FANCC: variants seen among roughly 807,000 people sequenced by gnomAD.
FANCC encodes the protein FA complementation group C, also known as Fanconi anemia group C protein.
A neutral mutation model predicts 71.3 loss-of-function variants in FANCC; 55 were observed. That is an observed-to-expected ratio of 0.77 (90% CI 0.62 to 0.97). FANCC has a LOEUF of 0.97. Among genes scored for constraint, FANCC ranks in the 50% least tolerant of loss-of-function variants. The probability of loss-of-function intolerance (pLI) is 0.00; values close to 1 mark genes in which losing one functional copy is unlikely to be tolerated. For synonymous variants in FANCC, 275 were observed against 244.9 expected (o/e 1.12, Z -1.15); for missense variants, 678 against 670.9 (o/e 1.01, Z -0.12).
intron 1 of FANCC, among the ~76,000 whole-genome samples, chr9:95,303,419 C>T (rs1834874182): frequency 6.6e-6 from 1 of 152,210 alleles, no homozygotes. Context: ...TCTTGCAACG[C>T]ATGCAGTTCA....
chr9:95,167,965 A>G (rs888619997), intron 6 of FANCC, among the ~76,000 whole-genome samples: 1 of 152,226 alleles, frequency 6.6e-6, no homozygotes, highest in Non-Finnish European at 1.5e-5. Context: ...CATGGTACAA[A>G]GGAAGGCTTT....
At chr9:95,158,442 G>C (rs907985151) in intron 6 of FANCC, among the ~76,000 whole-genome samples, 1 of 151,926 alleles carries the variant, frequency 6.6e-6, no homozygotes, top group Non-Finnish European at 1.5e-5. Flanking sequence ...GTAGAGAACA[G>C]GAAGAACAAT....
chr9:95,165,895 T>C (rs1428044895), intron 6 of FANCC, among the ~76,000 whole-genome samples: 2 of 152,100 alleles, frequency 1.3e-5, no homozygotes, highest in Non-Finnish European at 2.9e-5. Context: ...ATTATTATTG[T>C]GTTACTGTCT....
intron 1 of FANCC, among the ~76,000 whole-genome samples, chr9:95,289,904 C>T (rs190392891): frequency 6.6e-6 from 1 of 152,298 alleles, no homozygotes; most frequent in African/African-American, 2.4e-5. Flanking sequence ...AGTGATCCTC[C>T]TGCCTCAGCC....
At chr9:95,138,848 A>C (rs1828135583) in intron 7 of FANCC, among the ~76,000 whole-genome samples, 3 of 152,176 alleles carry the variant, frequency 2.0e-5, no homozygotes, top group Admixed American at 6.6e-5. Context: ...CCAGTCAGTA[A>C]AGTGCGTGAT....
At chr9:95,206,309 C>G (rs1294258153) in intron 4 of FANCC, among the ~76,000 whole-genome samples, 1 of 152,092 alleles carries the variant, frequency 6.6e-6, no homozygotes, top group Non-Finnish European at 1.5e-5. Flanking sequence ...GAAATGTCTG[C>G]GGACCATGAC....
At chr9:95,247,543 A>G (rs2136091704) in intron 2 of FANCC, 27 bp from the exon 3 acceptor site, 1 of 1,501,436 alleles carries the variant, frequency 6.7e-7, no homozygotes, top group Non-Finnish European at 9.3e-7. Flanking sequence ...AATTTTGGTC[A>G]GTAAAGGCAT....
chr9:95,292,471 G>A (rs1301031487), intron 1 of FANCC: 1 of 1,318,810 alleles, frequency 7.6e-7, no homozygotes, highest in African/African-American at 1.6e-5. Flanking sequence ...CCCCGACTGA[G>A]GGGCAGCCGG....
At chr9:95,112,731 G>A (rs2072049572) in intron 12 of FANCC, among the ~76,000 whole-genome samples, 1 of 152,200 alleles carries the variant, frequency 6.6e-6, no homozygotes, top group Admixed American at 6.5e-5. Context: ...TCAGAGACCG[G>A]TCTGGTCCTT....
intron 4 of FANCC, among the ~76,000 whole-genome samples, chr9:95,213,293 A>C (rs1828623127): frequency 2.0e-5 from 3 of 152,170 alleles, no homozygotes; most frequent in Admixed American, 2.0e-4. Flanking sequence ...ATAAGCAAAA[A>C]GTAGAGATGA....
chr9:95,302,538 C>G (rs1243444412), intron 1 of FANCC, among the ~76,000 whole-genome samples: 6 of 152,222 alleles, frequency 3.9e-5, no homozygotes, highest in Non-Finnish European at 7.3e-5. Context: ...TTTTTGTCAT[C>G]TCAGGAAATA....
intron 1 of FANCC, among the ~76,000 whole-genome samples, chr9:95,316,543 C>T (rs1835750231): frequency 6.6e-6 from 1 of 152,180 alleles, no homozygotes; most frequent in African/African-American, 2.4e-5. Context: ...AATGCTAAGT[C>T]AAATCACATC....
At chr9:95,258,112 C>T (rs1021954250) in intron 1 of FANCC, among the ~76,000 whole-genome samples, 1 of 152,154 alleles carries the variant, frequency 6.6e-6, no homozygotes, top group Non-Finnish European at 1.5e-5. Flanking sequence ...ACCAGAGGTA[C>T]AAAGAGAAGC....
chr9:95,178,366 G>A (rs1395928997), intron 4 of FANCC, among the ~76,000 whole-genome samples: 1 of 152,250 alleles, frequency 6.6e-6, no homozygotes, highest in African/African-American at 2.4e-5. Context: ...GATGGGACAA[G>A]GGGTGGTGGA....
At chr9:95,121,492 T>C (rs1470542914) in intron 10 of FANCC, among the ~76,000 whole-genome samples, 1 of 152,204 alleles carries the variant, frequency 6.6e-6, no homozygotes, top group South Asian at 2.1e-4. Flanking sequence ...AGTTGAACTT[T>C]TGTATTCCAA....
At position 95,232,130 on chromosome 9, in the gene FANCC, A is replaced by G. The variant is rs4647449; in HGVS notation, c.345+8519T>C. On this transcript the variant is annotated intron_variant, in intron 4 of 14. Coordinates refer to ENST00000289081, the MANE Select transcript of FANCC (RefSeq NM_000136.3). ...AAGGTGAAGGGGGAGCAGGCATGTC[A>G]CGCAGCCAGAGCAGCAGCAAGAGAA... 3.3e-3 allele frequency among the ~76,000 whole-genome samples: 507 copies of G among 152,312 alleles called. 9 individuals are homozygous for G. The East Asian group carries it at 0.044, about 13-fold the overall frequency.
rs1166491683 is a variant in FANCC at position 95,149,932 on chromosome 9, G to T, written c.677C>A (p.Ala226Asp). The T allele has an allele frequency of 1.2e-6, 2 of 1,602,962 alleles. No individual in the cohort carries two copies. Among genetic ancestry groups the T allele is most frequent in the South Asian group, 1.1e-5 (1 of 88,914 alleles). Residue 226 changes from alanine to aspartate, a missense_variant, in exon 7 of 15, where the codon GCC becomes GAC. By Grantham distance (126) the Ala-to-Asp change is moderately radical (BLOSUM62 -2). Coordinates refer to ENST00000289081, the MANE Select transcript of FANCC (RefSeq NM_000136.3). Reference sequence around the variant, plus strand: ...AACATTTGCCACTTACAGCAAAATGGCCTCGTTTACAGCCTCAAAGAACTC... The same window carrying T: ...AACATTTGCCACTTACAGCAAAATGTCCTCGTTTACAGCCTCAAAGAACTC... ...QPEFFEAVNE[A>D]ILLKKISLPM...
chr9:95,265,540 A>G (rs1187422862), intron 1 of FANCC, among the ~76,000 whole-genome samples: 1 of 152,184 alleles, frequency 6.6e-6, no homozygotes, highest in Admixed American at 6.5e-5. Flanking sequence ...TCCCTCATGC[A>G]TTCTATTACA....
intron 10 of FANCC, 113 bp from the exon 11 acceptor site, chr9:95,117,503 T>TC (rs1427961390): frequency 7.8e-6 from 6 of 764,992 alleles, no homozygotes; most frequent in Non-Finnish European, 1.4e-5. Flanking sequence ...ACTAACATGG[T>TC]CAGAACACTT....
Sources: gnomAD v4.1 joint callset for allele counts (sites outside exome capture counted in the v4.1 genomes callset) on GRCh38, gnomAD v4.1.1 for gene constraint, MANE v1.5 for transcripts, NCBI Gene and HGNC (gene_info 2026-07-23, HGNC 2026-07-21) for gene names.